Variants in FKTN observed in about 807,000 individuals in gnomAD.
FKTN encodes the protein ribitol-5-phosphate transferase FKTN.
Under a neutral mutation model 58.6 loss-of-function variants are expected in FKTN, and 47 were observed. The ratio of observed to expected loss-of-function variants is 0.80; its 90% CI spans 0.63 to 1.02. FKTN has a LOEUF of 1.02. Ranked by LOEUF, FKTN falls within the 50% of genes least tolerant of loss-of-function variation. FKTN has a pLI of 0.00. For missense variants in FKTN, 516 were observed against 537.3 expected, an observed-to-expected ratio of 0.96 and a Z score of 0.39; for synonymous variants, 178 against 191.9, an observed-to-expected ratio of 0.93 and a Z score of 0.60.
At chr9:105,574,894 A>G in intron 2 of FKTN, 51 bp from the exon 3 acceptor site, 1 of 667,940 alleles carries the variant, frequency 1.5e-6, no homozygotes, top group East Asian at 2.8e-5. Flanking sequence ...TATTACAGGT[A>G]CAAAATTAAA....
intron 3 of FKTN, among the ~76,000 whole-genome samples, chr9:105,595,841 T>G (rs1013308652): frequency 1.3e-5 from 2 of 152,164 alleles, no homozygotes; most frequent in Non-Finnish European, 2.9e-5. Context: ...ATCTATAGCT[T>G]ATAGATAACG....
intron 10 of FKTN, among the ~76,000 whole-genome samples, chr9:105,620,313 T>A (rs1003842479): frequency 7.9e-5 from 12 of 152,154 alleles, no homozygotes; most frequent in Admixed American, 7.2e-4. Flanking sequence ...TATTCTCAGT[T>A]CTGAGAGAGA....
chr9:105,615,517 T>A, intron 8 of FKTN, 110 bp downstream of exon 8: 1 of 1,037,296 alleles, frequency 9.6e-7, no homozygotes, highest in Non-Finnish European at 1.5e-6. Flanking sequence ...GTCATGTGTA[T>A]AGACAGAATA....
At chr9:105,616,879 C>CA (rs377163590) in intron 8 of FKTN, among the ~76,000 whole-genome samples, 37,749 of 119,708 alleles carry the variant, frequency 0.32, 5,159 homozygotes, top group Non-Finnish European at 0.37. Context: ...TAGAATAAGC[C>CA]AAAAAAAAAA....
intron 1 of FKTN, among the ~76,000 whole-genome samples, chr9:105,571,363 C>T (rs1045782283): frequency 1.3e-5 from 2 of 151,990 alleles, no homozygotes; most frequent in Non-Finnish European, 2.9e-5. Context: ...AGCGGTAGTG[C>T]TAGTGAAAAG....
intron 1 of FKTN, among the ~76,000 whole-genome samples, chr9:105,569,621 T>G (rs929481982): frequency 2.6e-5 from 4 of 152,176 alleles, no homozygotes; most frequent in African/African-American, 4.8e-5. Flanking sequence ...TGCCCATTTC[T>G]TTCTTCTTCA....
Position 105,636,240 on chromosome 9 carries a change from A to G in FKTN, c.*976A>G, listed in dbSNP as rs1315297005. The G allele has an allele frequency of 1.1e-6, 1 of 904,898 alleles. No individual in the cohort carries two copies. The highest frequency in any genetic ancestry group is 1.8e-5 in the African/African-American group (1 of 55,568). 56.1% of individuals were successfully genotyped at this position (904,898 alleles called of 1,614,324 possible). A position where few individuals can be genotyped will look rare whatever the true frequency, so the allele number is the denominator to read the frequency against. On this transcript the variant is annotated 3_prime_UTR_variant, in exon 11 of 11. Transcript: ENST00000357998. The stretch of plus-strand genomic sequence containing the variant: ...TTTTAAATATACTCTAATTTTTAAA[A>G]CATACTCTTTATTATCTTCATTTAT...
intron 10 of FKTN, among the ~76,000 whole-genome samples, chr9:105,627,799 G>A (rs1278806591): frequency 6.6e-6 from 1 of 151,714 alleles, no homozygotes; most frequent in African/African-American, 2.4e-5. Flanking sequence ...TTGCTGATTT[G>A]TCTGTCCTTT....
chr9:105,592,843 C>G (rs781558612), intron 3 of FKTN, among the ~76,000 whole-genome samples: 5 of 152,160 alleles, frequency 3.3e-5, no homozygotes, highest in East Asian at 1.9e-4. Context: ...GTCCATATCA[C>G]TATAAGCATC....
chr9:105,616,146 G>A (rs748613982), intron 8 of FKTN, among the ~76,000 whole-genome samples: 4 of 152,202 alleles, frequency 2.6e-5, no homozygotes, highest in Admixed American at 6.5e-5. Flanking sequence ...TCTTCAGATC[G>A]TGGTTGTCCA....
chr9:105,591,182 C>T (rs994440507), intron 3 of FKTN, among the ~76,000 whole-genome samples: 1 of 152,164 alleles, frequency 6.6e-6, no homozygotes. Flanking sequence ...TATTCTGCCC[C>T]TGGCCCCTCA....
At chr9:105,622,522 A>G (rs973871573) in intron 10 of FKTN, among the ~76,000 whole-genome samples, 1 of 151,880 alleles carries the variant, frequency 6.6e-6, no homozygotes, top group South Asian at 2.1e-4. Flanking sequence ...ATATATTTAT[A>G]TATATAATCT....
intron 1 of FKTN, among the ~76,000 whole-genome samples, chr9:105,571,885 G>T (rs1227089167): frequency 6.6e-6 from 1 of 152,174 alleles, no homozygotes; most frequent in Non-Finnish European, 1.5e-5. Flanking sequence ...ATATGATGCT[G>T]AAAGGAATGT....
Position 105,638,267 on chromosome 9 carries a change from A to C in FKTN, c.*3003A>C. On this transcript the variant is annotated 3_prime_UTR_variant, in exon 11 of 11. Transcript: ENST00000357998. ...AGGCATCCAGTGCTTCATTGAGGCT[A>C]AGTCTCAGGGTGTTTCTGCCGCTTA... is the stretch of plus-strand genomic sequence containing the variant. 1.0e-6 allele frequency: 1 copy of C among 985,340 alleles called. No homozygotes were observed. The highest frequency in any genetic ancestry group is 1.2e-6 in the Non-Finnish European group (1 of 829,856). The allele number at this position is 985,340 out of a possible 1,614,324, so 61.0% of individuals were successfully genotyped here.
intron 1 of FKTN, among the ~76,000 whole-genome samples, chr9:105,571,421 G>A (rs1840713644): frequency 6.6e-6 from 1 of 152,038 alleles, no homozygotes; most frequent in African/African-American, 2.4e-5. Context: ...GAATTGCCTT[G>A]GCATTTATAG....
intron 3 of FKTN, among the ~76,000 whole-genome samples, chr9:105,576,561 C>T (rs1841753634): frequency 7.1e-6 from 1 of 140,226 alleles, no homozygotes. Flanking sequence ...TTAATCCAGT[C>T]TATCATTGTT....
chr9:105,620,481 G>A (rs1428697713), intron 10 of FKTN, among the ~76,000 whole-genome samples: 2 of 152,060 alleles, frequency 1.3e-5, no homozygotes, highest in African/African-American at 2.4e-5. Context: ...TATTCTGAAC[G>A]TTTTACATAT....
chr9:105,633,338 T>A (rs913941846), intron 10 of FKTN: 1 of 152,238 alleles, frequency 6.6e-6, no homozygotes, highest in Non-Finnish European at 1.5e-5. Flanking sequence ...TATCTATTAT[T>A]ATTTTTCCCT....
intron 3 of FKTN, among the ~76,000 whole-genome samples, chr9:105,586,744 C>G (rs766788869): frequency 2.0e-5 from 3 of 152,186 alleles, no homozygotes; most frequent in Non-Finnish European, 2.9e-5. Flanking sequence ...TGTGATATGT[C>G]TCACTTAGTG....
Sources: allele counts gnomAD v4.1 joint callset (sites outside exome capture counted in the v4.1 genomes callset), GRCh38; gene constraint gnomAD v4.1.1; transcripts MANE v1.5; gene names NCBI Gene and HGNC (gene_info 2026-07-23, HGNC 2026-07-21).